KLHL10: variants seen among roughly 807,000 people sequenced by gnomAD.
KLHL10 encodes the protein kelch like family member 10.
KLHL10 carries 11 observed loss-of-function variants against 46.6 expected under a neutral mutation model. The observed-to-expected ratio is 0.24, with a 90% confidence interval of 0.15 to 0.39. The LOEUF is 0.39. Among genes scored for constraint, KLHL10 ranks in the 10% least tolerant of loss-of-function variants. The pLI, the probability that KLHL10 is intolerant of heterozygous loss-of-function variation, is 1.00. For missense variants in KLHL10, 475 were observed against 789.8 expected (o/e 0.60, Z 4.78); for synonymous variants, 254 against 279.1 (o/e 0.91, Z 0.90).
chr17:41,842,332 T>G lies in KLHL10; in HGVS notation c.684+20T>G. Reference sequence around the variant, plus strand: ...CCTAAGGTCAGTGTTCACTCTTGATTCATTTATCACAGAGAGATTGTCCTA... The same window carrying G: ...CCTAAGGTCAGTGTTCACTCTTGATGCATTTATCACAGAGAGATTGTCCTA... On this transcript the variant is annotated intron_variant, in intron 2 of 4. Coordinates refer to ENST00000293303, the MANE Select transcript of KLHL10 (RefSeq NM_152467.5). 6.2e-7 allele frequency: 1 copy of G among 1,613,336 alleles called. No individual in the cohort carries two copies. The highest frequency in any genetic ancestry group is 8.5e-7 in the Non-Finnish European group (1 of 1,179,986).
upstream of KLHL10, among the ~76,000 whole-genome samples, chr17:41,836,643 C>T (rs1004826848): frequency 1.3e-5 from 2 of 151,972 alleles, no homozygotes; most frequent in African/African-American, 2.4e-5. Context: ...GGCAATATGA[C>T]GAAACCCTGT....
chr17:41,842,936 C>CAA (rs112291759), intron 2 of KLHL10, among the ~76,000 whole-genome samples: 2 of 128,400 alleles, frequency 1.6e-5, no homozygotes, highest in Non-Finnish European at 3.4e-5. Context: ...GACTCCATCT[C>CAA]AAAAAAAAAA....
rs1470307830 is a variant in KLHL10, at chr17:41,848,350, A to C, written c.*43A>C. ...ATAAAAAGTCTAAGCAATAAGAATT[A>C]ATTCTTTTTTTAAAAAAATGCAGTG... On this transcript the variant is annotated 3_prime_UTR_variant, in exon 5 of 5. Transcript: ENST00000293303. 6.3e-7 allele frequency: 1 copy of C among 1,586,606 alleles called. No individual in the cohort carries two copies. Among genetic ancestry groups the C allele is most frequent in the Non-Finnish European group, 8.5e-7 (1 of 1,172,564 alleles).
intron 3 of KLHL10, 38 bp from the exon 4 acceptor site, chr17:41,847,223 G>C (rs782711132): frequency 1.1e-5 from 17 of 1,599,846 alleles, no homozygotes; most frequent in Admixed American, 3.3e-5. Context: ...CTACTCCCTA[G>C]AGTGGGAATT....
At chr17:41,837,560 A>G (rs1177215602), upstream of KLHL10, 1 of 1,061,974 alleles carries the variant, frequency 9.4e-7, no homozygotes, top group Non-Finnish European at 1.1e-6. Flanking sequence ...AAGGTAGATG[A>G]ATGCTCCAGG....
At chr17:41,847,237 A>G (rs781847494) in intron 3 of KLHL10, 24 bp from the exon 4 acceptor site, 1 of 1,612,678 alleles carries the variant, frequency 6.2e-7, no homozygotes, top group South Asian at 1.1e-5. Context: ...GGGAATTTTA[A>G]TAATCTTGGA....
Position 41,848,207 on chromosome 17 carries a change from C to A in KLHL10, c.1727C>A (p.Ala576Asp), listed in dbSNP as rs781862505. The part of the protein sequence containing the change: ...ALSCCVVPGL[A>D]NVEEYAARRD... The stretch of plus-strand genomic sequence containing the variant: ...AGCTGCTGTGTAGTACCAGGGCTGG[C>A]CAATGTTGAGGAATATGCAGCTAGA... Residue 576 changes from alanine (A) to aspartate (D), a missense_variant, in exon 5 of 5, where the codon GCC becomes GAC. Transcript: ENST00000293303. 2 of 1,614,040 alleles carry A rather than the reference C, an allele frequency of 1.2e-6. No homozygotes were observed. Among genetic ancestry groups the A allele is most frequent in the Admixed American group, 1.7e-5 (1 of 60,006 alleles).
chr17:41,846,829 A>C (rs1555621479), intron 3 of KLHL10, among the ~76,000 whole-genome samples: 3 of 152,074 alleles, frequency 2.0e-5, no homozygotes. Flanking sequence ...AATAAAAATA[A>C]ATAGGCTGGG....
intron 3 of KLHL10, among the ~76,000 whole-genome samples, 185 bp from the exon 4 acceptor site, chr17:41,847,076 C>T (rs1173332016): frequency 6.6e-6 from 1 of 152,040 alleles, no homozygotes; most frequent in African/African-American, 2.4e-5. Context: ...CAAATGGACT[C>T]CAGCCTGGGT....
At chr17:41,845,042 G>A in intron 2 of KLHL10, 84 bp from the exon 3 acceptor site, 1 of 1,532,322 alleles carries the variant, frequency 6.5e-7, no homozygotes, top group Non-Finnish European at 9.0e-7. Context: ...CAATTCAAAG[G>A]CAGATCGAAA....
chr17:41,847,996 A>G lies in KLHL10; in HGVS notation c.1516A>G (p.Thr506Ala), dbSNP rs782592886. 12 of 1,614,082 alleles carry G rather than the reference A, an allele frequency of 7.4e-6. No homozygotes were observed. The Admixed American group carries it at 1.5e-4, about 20-fold the overall frequency. ...CGAAGCCTACAGCCCTGTGGCTAACACTTGGCGCACAATCCCCACTATGTT... is the reference window on the plus strand; with the variant it reads ...CGAAGCCTACAGCCCTGTGGCTAACGCTTGGCGCACAATCCCCACTATGTT... ...SAEAYSPVAN[T>A]WRTIPTMFNP... The change falls in exon 5 of 5, where the codon ACT becomes GCT. Residue 506 changes from threonine (T) to alanine (A), a missense_variant. Physicochemically the swap from Thr to Ala is moderately conservative, Grantham distance 58. Transcript: ENST00000293303.
chr17:41,836,212 G>A (rs1306275451), upstream of KLHL10: 4 of 1,240,524 alleles, frequency 3.2e-6, no homozygotes, highest in African/African-American at 3.1e-5. Flanking sequence ...AGGCCTGGTC[G>A]GCGGCTCGCG....
Position 41,845,293 on chromosome 17 carries a change from C to T in KLHL10, c.852C>T (p.Thr284=), listed in dbSNP as rs781811733. Residue 284 remains threonine (T), a synonymous_variant, in exon 3 of 5, where the codon ACC becomes ACT. Transcript: ENST00000293303. ...ATTCTGATTTCACCAACCCACTCAC[C>T]AGACCACGCTTGCCCTATGCCATCC... The part of the protein sequence containing the change: ...PSNSDFTNPL[T]RPRLPYAILF... 33 of 1,614,106 alleles carry T rather than the reference C, an allele frequency of 2.0e-5. No individual in the cohort carries two copies. The African/African-American group carries it at 4.1e-4, about 20-fold the overall frequency.
intron 1 of KLHL10, 90 bp from the exon 2 acceptor site, chr17:41,841,733 C>A: frequency 1.3e-6 from 2 of 1,500,734 alleles, no homozygotes; most frequent in African/African-American, 1.4e-5. Context: ...TAGCACATGC[C>A]TGCACCCCAC....
Position 41,838,057 on chromosome 17 carries a change from T to C in KLHL10, c.125T>C (p.Val42Ala). 6.2e-7 allele frequency: 1 copy of C among 1,614,076 alleles called. No homozygotes were observed. The highest frequency in any genetic ancestry group is 2.2e-5 in the East Asian group (1 of 44,868). ...CTAGAGGGCAAGCTCTGCGACGTGG[T>C]CATCAAGGTCAATGGCTTTGAGTTC... Reference protein sequence around the residue: ...LRLEGKLCDVVIKVNGFEFSA... With the variant: ...LRLEGKLCDVAIKVNGFEFSA... The change falls in exon 1 of 5, where the codon GTC (valine) becomes GCC (alanine). Residue 42 changes from valine to alanine, a missense_variant. Physicochemically the swap from Val to Ala is moderately conservative, Grantham distance 64. Coordinates refer to ENST00000293303, the MANE Select transcript of KLHL10 (RefSeq NM_152467.5).
upstream of KLHL10, among the ~76,000 whole-genome samples, chr17:41,837,328 C>G (rs1340274471): frequency 6.6e-6 from 1 of 152,196 alleles, no homozygotes; most frequent in African/African-American, 2.4e-5. Context: ...CCACGCCCAG[C>G]TAATTTTTGT....
chr17:41,841,221 T>C (rs1188206704), intron 1 of KLHL10, among the ~76,000 whole-genome samples: 1 of 151,916 alleles, frequency 6.6e-6, no homozygotes, highest in Non-Finnish European at 1.5e-5. Flanking sequence ...ACCCCCTGGA[T>C]GGGGAAACAG....
upstream of KLHL10, among the ~76,000 whole-genome samples, chr17:41,836,827 A>G (rs1394772501): frequency 6.6e-6 from 1 of 151,668 alleles, no homozygotes; most frequent in Non-Finnish European, 1.5e-5. Context: ...CCTGTCTCAG[A>G]AACAAAAACA....
Position 41,845,340 on chromosome 17 carries a change from G to A in KLHL10, c.899G>A (p.Ser300Asn), listed in dbSNP as rs1443798604. 1 of 1,614,088 alleles carries A rather than the reference G, an allele frequency of 6.2e-7. No homozygotes were observed. The highest frequency in any genetic ancestry group is 8.5e-7 in the Non-Finnish European group (1 of 1,180,022). The stretch of plus-strand genomic sequence containing the variant: ...ATCCTCTTTGCAATTGGTGGCTGGA[G>A]TGGTGGGAGCCCCACCAATGCCATT... ...YAILFAIGGW[S>N]GGSPTNAIEA... Residue 300 changes from serine (S) to asparagine (N), a missense_variant, in exon 3 of 5, where the codon AGT becomes AAT. Ser to Asn is a conservative substitution (Grantham distance 46, BLOSUM62 1). Coordinates refer to ENST00000293303, the MANE Select transcript of KLHL10 (RefSeq NM_152467.5).
Sources: allele counts gnomAD v4.1 joint callset (sites outside exome capture counted in the v4.1 genomes callset), GRCh38; gene constraint gnomAD v4.1.1; transcripts MANE v1.5; gene names NCBI Gene and HGNC (gene_info 2026-07-23, HGNC 2026-07-21).